The following CPA6 variants were observed in gnomAD, a reference collection of about 807,000 sequenced individuals.
CPA6 encodes the protein carboxypeptidase B.
Under a neutral mutation model 63.3 loss-of-function variants are expected in CPA6, and 58 were observed. The ratio of observed to expected loss-of-function variants is 0.92; its 90% CI spans 0.74 to 1.14. CPA6 has a LOEUF of 1.14. CPA6 is among the 50% of genes most tolerant of loss of function. The pLI is 0.00. For synonymous variants in CPA6, 185 were observed against 179.0 expected (o/e 1.03, Z -0.27); for missense variants, 565 against 526.6 (o/e 1.07, Z -0.71).
chr8:67,715,041 C>T (rs753781367), intron 1 of CPA6, among the ~76,000 whole-genome samples: 10 of 152,184 alleles, frequency 6.6e-5, no homozygotes, highest in Non-Finnish European at 1.3e-4. Flanking sequence ...TACTCTTTGG[C>T]AGCTTAGCCA....
intron 6 of CPA6, among the ~76,000 whole-genome samples, chr8:67,490,945 T>G (rs1205733326): frequency 1.3e-5 from 2 of 152,136 alleles, no homozygotes; most frequent in East Asian, 3.8e-4. Context: ...CTTTAAAACT[T>G]TCTTCTATTT....
At chr8:67,672,079 C>T (rs979037217) in intron 1 of CPA6, among the ~76,000 whole-genome samples, 2 of 152,184 alleles carry the variant, frequency 1.3e-5, no homozygotes, top group Admixed American at 6.5e-5. Context: ...ATCCACCTGT[C>T]TCAGCCTCCC....
At chr8:67,565,173 T>C (rs4997226) in intron 2 of CPA6, among the ~76,000 whole-genome samples, 62,672 of 150,374 alleles carry the variant, frequency 0.42, 15,234 homozygotes, top group Non-Finnish European at 0.54. Flanking sequence ...TTTCTTTCTT[T>C]TTTTTTTTTG....
intron 6 of CPA6, among the ~76,000 whole-genome samples, chr8:67,502,148 G>C (rs1811841468): frequency 6.6e-6 from 1 of 152,092 alleles, no homozygotes; most frequent in Non-Finnish European, 1.5e-5. Context: ...TCATGCTAGA[G>C]CTTTGTCAAT....
chr8:67,430,985 C>T (rs1810015023), intron 9 of CPA6, among the ~76,000 whole-genome samples: 1 of 152,128 alleles, frequency 6.6e-6, no homozygotes, highest in Non-Finnish European at 1.5e-5. Context: ...CCTCTGCCTC[C>T]TGAGTTGCTG....
chr8:67,596,709 C>T (rs1814346968), intron 2 of CPA6, among the ~76,000 whole-genome samples: 1 of 152,022 alleles, frequency 6.6e-6, no homozygotes, highest in South Asian at 2.1e-4. Flanking sequence ...CAAGTTATAC[C>T]ACTAATGTTC....
chr8:67,684,128 A>G (rs11988544), intron 1 of CPA6, among the ~76,000 whole-genome samples: 1 of 148,264 alleles, frequency 6.7e-6, no homozygotes, highest in Non-Finnish European at 1.5e-5. Context: ...CTCAAGTGAA[A>G]CTCCTGCCTC....
intron 1 of CPA6, among the ~76,000 whole-genome samples, chr8:67,630,318 T>C (rs1396548994): frequency 6.6e-6 from 1 of 151,940 alleles, no homozygotes; most frequent in African/African-American, 2.4e-5. Context: ...CATGTAGACA[T>C]GCTGATGAAC....
At chr8:67,592,680 T>C (rs1313052006) in intron 2 of CPA6, among the ~76,000 whole-genome samples, 3 of 152,054 alleles carry the variant, frequency 2.0e-5, no homozygotes, top group Non-Finnish European at 4.4e-5. Context: ...TGCGTAGAGG[T>C]GTTTGTAGTA....
intron 8 of CPA6, among the ~76,000 whole-genome samples, chr8:67,477,782 C>T (rs995442577): frequency 6.6e-6 from 1 of 152,210 alleles, no homozygotes; most frequent in Non-Finnish European, 1.5e-5. Context: ...TAAGGCAGTG[C>T]ATTCTTGCTG....
intron 2 of CPA6, among the ~76,000 whole-genome samples, chr8:67,622,130 G>T (rs1815097161): frequency 6.6e-6 from 1 of 152,174 alleles, no homozygotes; most frequent in Non-Finnish European, 1.5e-5. Flanking sequence ...ATTCACAAAT[G>T]GTAGAAACAT....
At position 67,440,342 on chromosome 8, in the gene CPA6, G is replaced by A. The variant is rs970858253; in HGVS notation, c.839-6102C>T. On this transcript the variant is annotated intron_variant, in intron 8 of 10. Transcript: ENST00000297770. ...TCCCAACACTTTGGGAGGCTGAAGC[G>A]GGCGGATCACTTGAGGTCAGGAGTT... Among the ~76,000 whole-genome samples the A allele has an allele frequency of 3.9e-5, 6 of 152,198 alleles. No homozygotes were observed. The South Asian group carries it at 8.3e-4, about 21-fold the overall frequency.
At chr8:67,552,193 G>A (rs1812953655) in intron 2 of CPA6, among the ~76,000 whole-genome samples, 1 of 152,152 alleles carries the variant, frequency 6.6e-6, no homozygotes, top group African/African-American at 2.4e-5. Context: ...TAAAAGTGAA[G>A]AAACAGAGAA....
intron 1 of CPA6, among the ~76,000 whole-genome samples, chr8:67,706,935 T>G (rs982388657): frequency 5.9e-5 from 9 of 152,324 alleles, no homozygotes; most frequent in Admixed American, 3.9e-4. Flanking sequence ...GTGTTCCAAA[T>G]TTATGCAAAA....
chr8:67,483,460 C>T lies in CPA6; in HGVS notation c.838+308G>A, dbSNP rs1015542359. The T allele has an allele frequency of 2.3e-5, 10 of 441,120 alleles. No individual in the cohort carries two copies. The East Asian group carries it at 2.3e-4, about 10-fold the overall frequency. The allele number at this position is 441,120 out of a possible 1,614,324, so 27.3% of individuals were successfully genotyped here. ...ATTTAACCAGAATTATACTACACCA[C>T]GGTTCATGTTTTAATTTGGGGAATG... On this transcript the variant is annotated intron_variant, in intron 8 of 10. Transcript: ENST00000297770.
intron 1 of CPA6, among the ~76,000 whole-genome samples, chr8:67,711,760 G>A (rs1295612050): frequency 6.6e-6 from 1 of 151,728 alleles, no homozygotes; most frequent in Non-Finnish European, 1.5e-5. Flanking sequence ...CCCCATATGA[G>A]AGGATTCAGG....
At chr8:67,654,123 G>A (rs892316319) in intron 1 of CPA6, among the ~76,000 whole-genome samples, 11 of 152,148 alleles carry the variant, frequency 7.2e-5, no homozygotes, top group Non-Finnish European at 1.5e-4. Context: ...GCTTTTTGAT[G>A]TGCTGCTGGA....
At chr8:67,461,288 A>T (rs1033377834) in intron 8 of CPA6, among the ~76,000 whole-genome samples, 41 of 144,754 alleles carry the variant, frequency 2.8e-4, no homozygotes, top group Admixed American at 2.5e-3. Context: ...GCCTTCAAGC[A>T]TCTGTTTAAC....
intron 2 of CPA6, among the ~76,000 whole-genome samples, chr8:67,615,927 T>C (rs769290847): frequency 5.3e-5 from 8 of 152,138 alleles, no homozygotes; most frequent in Non-Finnish European, 1.0e-4. Context: ...CTAAGGCGCT[T>C]AGGTGAGAAA....
Sources: allele counts gnomAD v4.1 joint callset (sites outside exome capture counted in the v4.1 genomes callset), GRCh38; gene constraint gnomAD v4.1.1; transcripts MANE v1.5; gene names NCBI Gene and HGNC (gene_info 2026-07-23, HGNC 2026-07-21).